GALNT9: variants seen among roughly 807,000 people sequenced by gnomAD.
GALNT9 encodes polypeptide N-acetylgalactosaminyltransferase 9, also known as GalNAc transferase 9.
Under a neutral mutation model 63.1 loss-of-function variants are expected in GALNT9, and 47 were observed. That is an observed-to-expected ratio of 0.75 (90% CI 0.59 to 0.95). GALNT9 has a LOEUF of 0.95. GALNT9 is among the 40% of genes least tolerant of loss of function. The pLI is 0.00. For missense variants in GALNT9, 829 were observed against 874.8 expected, an observed-to-expected ratio of 0.95 and a Z score of 0.66; for synonymous variants, 396 against 365.7, an observed-to-expected ratio of 1.08 and a Z score of -0.94.
rs1878079944 is a variant in GALNT9, at chr12:132,238,324, A to G, written c.1077+9586T>C. On this transcript the variant is annotated intron_variant, in intron 6 of 10. Transcript: ENST00000328957. The surrounding 1 kb of genome is among the most constrained non-coding windows in gnomAD (Gnocchi z 6.5). ...GCAGGTAGCTCTGGGGTCACTGGCG[A>G]GGGGGACAGAGCTGGATGGGGGGCT... Among the ~76,000 whole-genome samples the G allele has an allele frequency of 6.9e-6, 1 of 144,018 alleles. No individual in the cohort carries two copies. The highest frequency in any genetic ancestry group is 2.2e-4 in the South Asian group (1 of 4,504). The allele number at this position is 144,018 out of a possible 152,430, so 94.5% of individuals were successfully genotyped here. A position where few individuals can be genotyped will look rare whatever the true frequency, so the allele number is the denominator to read the frequency against.
At chr12:132,307,669 T>TAAAAA (rs35267743) in intron 1 of GALNT9, among the ~76,000 whole-genome samples, 41 of 140,228 alleles carry the variant, frequency 2.9e-4, no homozygotes, top group African/African-American at 6.9e-4. Context: ...TCATCTCTAC[T>TAAAAA]AAAAAAAAAA....
At position 132,225,390 on chromosome 12, in the gene GALNT9, T is replaced by C. The variant is rs1303607694; in HGVS notation, c.1078-21700A>G. On this transcript the variant is annotated intron_variant, in intron 6 of 10. Coordinates refer to ENST00000328957, the MANE Select transcript of GALNT9 (RefSeq NM_001122636.2). Reference sequence around the variant, plus strand: ...CACACCCCACACGCTGTACACACCCTACACACATACACACCACACAACCCA... The same window carrying C: ...CACACCCCACACGCTGTACACACCCCACACACATACACACCACACAACCCA... Among the ~76,000 whole-genome samples the C allele has an allele frequency of 1.2e-3, 120 of 104,186 alleles. 1 individual carries two copies. Among genetic ancestry groups the C allele is most frequent in the African/African-American group, 4.3e-3 (113 of 26,052 alleles). The allele number at this position is 104,186 out of a possible 152,430, so 68.4% of individuals were successfully genotyped here.
chr12:132,328,423 G>T, intron 1 of GALNT9, among the ~76,000 whole-genome samples: 1 of 152,166 alleles, frequency 6.6e-6, no homozygotes, highest in East Asian at 1.9e-4. Context: ...TTCTAACGCG[G>T]CCTCGGGCAC....
Position 132,286,530 on chromosome 12 carries a change from C to T in GALNT9, c.239-100G>A. 4 of 1,445,764 alleles carry T rather than the reference C, an allele frequency of 2.8e-6. No homozygotes were observed. Among genetic ancestry groups the T allele is most frequent in the Non-Finnish European group, 3.6e-6 (4 of 1,100,878 alleles). 89.6% of individuals were successfully genotyped at this position (1,445,764 alleles called of 1,614,324 possible). On this transcript the variant is annotated intron_variant, in intron 1 of 10. Coordinates refer to ENST00000328957, the MANE Select transcript of GALNT9 (RefSeq NM_001122636.2). This position sits in a 1 kb window ranked among gnomAD's most constrained non-coding sequence, Gnocchi z 7.4. ...GCCCCTCTCCCCGACGGCCGCTTCC[C>T]CCGGTACAAGCCCAGCAAACTCCCT...
chr12:132,322,685 G>A (rs1315766061), intron 1 of GALNT9, among the ~76,000 whole-genome samples: 4 of 152,218 alleles, frequency 2.6e-5, no homozygotes, highest in Non-Finnish European at 4.4e-5. Flanking sequence ...CAGGCTCTGC[G>A]AGGATGGAGG....
intron 6 of GALNT9, among the ~76,000 whole-genome samples, chr12:132,205,123 T>C (rs112184728): frequency 6.6e-6 from 1 of 152,044 alleles, no homozygotes; most frequent in Non-Finnish European, 1.5e-5. Context: ...TCCAGGCTGC[T>C]CTCATCTCCA....
intron 6 of GALNT9, among the ~76,000 whole-genome samples, chr12:132,204,600 C>T (rs1232848354): frequency 2.6e-5 from 4 of 152,190 alleles, no homozygotes; most frequent in African/African-American, 9.7e-5. Flanking sequence ...AGCCGACGGC[C>T]AATCTCGGTA....
intron 7 of GALNT9, among the ~76,000 whole-genome samples, chr12:132,201,830 T>C (rs917505392): frequency 6.6e-6 from 1 of 152,220 alleles, no homozygotes; most frequent in Non-Finnish European, 1.5e-5. Context: ...CTCTGCTGAC[T>C]TTGACCCGTG....
chr12:132,257,842 A>G lies in GALNT9; in HGVS notation c.806T>C (p.Ile269Thr), dbSNP rs1368849858. The stretch of plus-strand genomic sequence containing the variant: ...GATGTTGTCGATGGCTGGCAGCACG[A>G]TGCGACGCCGGTCCTCTCGGATCCG... ...LSRIREDRRR[I>T]VLPAIDNIKY... The change falls in exon 5 of 11, where the codon ATC becomes ACC. Residue 269 changes from isoleucine to threonine, a missense_variant. Coordinates refer to ENST00000328957, the MANE Select transcript of GALNT9 (RefSeq NM_001122636.2). 1 of 1,549,286 alleles carries G rather than the reference A, an allele frequency of 6.5e-7. No homozygotes were observed. The highest frequency in any genetic ancestry group is 8.7e-7 in the Non-Finnish European group (1 of 1,146,714).
chr12:132,203,637 G>C lies in GALNT9; in HGVS notation c.1131C>G (p.His377Gln), dbSNP rs1252447515. Residue 377 changes from histidine to glutamine, a missense_variant, in exon 7 of 11, where the codon CAC (histidine) becomes CAG (glutamine). Coordinates refer to ENST00000328957, the MANE Select transcript of GALNT9 (RefSeq NM_001122636.2). ...MEVLPCSRVA[H>Q]IERTRKPYNN... Reference sequence around the variant, plus strand: ...TGTAGGGCTTCCTGGTGCGCTCGATGTGGGCCACGCGGGAGCAGGGCAGCA... The same window carrying C: ...TGTAGGGCTTCCTGGTGCGCTCGATCTGGGCCACGCGGGAGCAGGGCAGCA... The C allele has an allele frequency of 6.2e-7, 1 of 1,613,888 alleles. No homozygotes were observed. Among genetic ancestry groups the C allele is most frequent in the Admixed American group, 1.7e-5 (1 of 60,026 alleles).
intron 1 of GALNT9, among the ~76,000 whole-genome samples, chr12:132,325,648 T>TCTCTGGGCCC (rs1367069824): frequency 4.6e-5 from 7 of 152,190 alleles, no homozygotes; most frequent in Admixed American, 2.0e-4. Flanking sequence ...TCGCTGGACC[T>TCTCTGGGCCC]CTCTGGGCCC....
At chr12:132,291,808 C>G (rs1566015418) in intron 1 of GALNT9, among the ~76,000 whole-genome samples, 1 of 152,164 alleles carries the variant, frequency 6.6e-6, no homozygotes, top group Non-Finnish European at 1.5e-5. Context: ...CCCCTCCTGT[C>G]CCCACACCCT....
Position 132,201,185 on chromosome 12 carries a change from C to A in GALNT9, c.1340G>T (p.Trp447Leu), listed in dbSNP as rs769610764. 1 of 1,613,216 alleles carries A rather than the reference C, an allele frequency of 6.2e-7. No homozygotes were observed. Among genetic ancestry groups the A allele is most frequent in the Admixed American group, 1.7e-5 (1 of 59,966 alleles). ...CTCCGGGTACACGTTCTCCAGGTAC[C>A]ACTTGAAGCTGCGACACTTCAGCCT... ...RQRLKCRSFK[W>L]YLENVYPEMR... The change falls in exon 8 of 11, where the codon TGG (tryptophan) becomes TTG (leucine). Residue 447 changes from tryptophan (W) to leucine (L), a missense_variant. By Grantham distance (61) the Trp-to-Leu change is moderately conservative. Coordinates refer to ENST00000328957, the MANE Select transcript of GALNT9 (RefSeq NM_001122636.2).
intron 6 of GALNT9, among the ~76,000 whole-genome samples, chr12:132,221,242 A>G (rs1877432088): frequency 7.2e-6 from 1 of 138,892 alleles, no homozygotes; most frequent in Non-Finnish European, 1.5e-5. Context: ...AATCCCAGGT[A>G]CTCGGGAGGC....
intron 6 of GALNT9, among the ~76,000 whole-genome samples, chr12:132,218,153 T>TCCAC (rs1223489916): frequency 6.6e-6 from 1 of 152,184 alleles, no homozygotes; most frequent in East Asian, 1.9e-4. Flanking sequence ...CACTCATCCA[T>TCCAC]CCACCCATCT....
chr12:132,288,543 G>T (rs1331395039), intron 1 of GALNT9, among the ~76,000 whole-genome samples: 1 of 152,274 alleles, frequency 6.6e-6, no homozygotes, highest in Non-Finnish European at 1.5e-5. Context: ...CTCATCATCC[G>T]TGGGGCTCAG....
At chr12:132,280,443 A>C (rs1880290370) in intron 2 of GALNT9, 1 of 152,280 alleles carries the variant, frequency 6.6e-6, no homozygotes, top group Non-Finnish European at 1.5e-5. Context: ...GGGTGAAAAC[A>C]GAACCTTGTG....
chr12:132,225,095 T>C (rs1877600091), intron 6 of GALNT9, among the ~76,000 whole-genome samples: 1 of 104,118 alleles, frequency 9.6e-6, no homozygotes, highest in African/African-American at 3.9e-5. Flanking sequence ...TGCCACACAC[T>C]GTACATACAC....
intron 1 of GALNT9, among the ~76,000 whole-genome samples, 182 bp downstream of exon 1, chr12:132,328,784 A>G (rs1351844002): frequency 2.0e-5 from 3 of 152,046 alleles, no homozygotes; most frequent in Non-Finnish European, 2.9e-5. Context: ...TGCGGGGGGA[A>G]CCCAGGTTGC....
Sources: gnomAD v4.1 joint callset for allele counts (sites outside exome capture counted in the v4.1 genomes callset) on GRCh38, gnomAD v4.1.1 for gene constraint, Gnocchi (gnomAD v3.1) non-coding constraint, MANE v1.5 for transcripts, NCBI Gene and HGNC (gene_info 2026-07-23, HGNC 2026-07-21) for gene names.